The following DST variants were observed in gnomAD, a reference collection of about 807,000 sequenced individuals.
DST encodes the protein bullous pemphigoid antigen.
A neutral mutation model predicts 875.2 loss-of-function variants in DST; 253 were observed. The observed-to-expected ratio is 0.29, with a 90% CI of 0.26 to 0.32. The LOEUF is 0.32. Among genes scored for constraint, DST ranks in the 10% least tolerant of loss-of-function variants. The pLI, the probability that DST is intolerant of heterozygous loss-of-function variation, is 1.00. For missense variants in DST, 8,287 were observed against 9,111.6 expected (o/e 0.91, Z 3.68); for synonymous variants, 3,124 against 3,197.1 (o/e 0.98, Z 0.77).
chr6:56,463,886 T>G (rs2094454973), intron 100 of DST, 122 bp from the exon 101 acceptor site: 3 of 1,050,172 alleles, frequency 2.9e-6, no homozygotes, highest in Non-Finnish European at 4.4e-6. Context: ...CAAGAACATC[T>G]TTTTGCCATG....
chr6:56,662,061 T>G (rs2099046073), intron 10 of DST, among the ~76,000 whole-genome samples: 1 of 151,802 alleles, frequency 6.6e-6, no homozygotes. Context: ...TGAAAAGAAA[T>G]AATTTTATGA....
At chr6:56,849,052 T>A (rs146578080) in intron 4 of DST, among the ~76,000 whole-genome samples, 245 of 151,874 alleles carry the variant, frequency 1.6e-3, no homozygotes, top group African/African-American at 4.9e-3. Flanking sequence ...ATAAATAAAT[T>A]AATTAAATTA....
At chr6:56,704,481 G>A in intron 5 of DST, 112 bp from the exon 6 acceptor site, 1 of 538,210 alleles carries the variant, frequency 1.9e-6, no homozygotes, top group South Asian at 2.8e-5. Context: ...ATTCATTCAT[G>A]CACCTATTTT....
chr6:56,515,640 T>C lies in DST; in HGVS notation c.18386A>G (p.Tyr6129Cys), dbSNP rs918818637. ...KKKLDKVLKN[Y>C]DTICQINSER... is the part of the protein sequence containing the mutation. The stretch of plus-strand genomic sequence containing the variant: ...TGAATTAATCTGGCAGATGGTATCA[T>C]AGTTCTTCAGTACCTTGTCCAGTTT... Residue 6129 changes from tyrosine to cysteine, a missense_variant, in exon 72 of 104, where the codon TAT becomes TGT. Tyr to Cys is a radical substitution (Grantham distance 194). Coordinates refer to ENST00000680361, the MANE Select transcript of DST (RefSeq NM_001374736.1). The C allele has an allele frequency of 1.9e-6, 3 of 1,611,152 alleles. No homozygotes were observed. The highest frequency in any genetic ancestry group is 1.3e-5 in the African/African-American group (1 of 74,906).
intron 2 of DST, among the ~76,000 whole-genome samples, chr6:56,922,756 TTTC>T (rs1329490395): frequency 6.6e-6 from 1 of 152,208 alleles, no homozygotes; most frequent in African/African-American, 2.4e-5. Context: ...TAATGAGTAG[TTTC>T]TTCTTTATTG....
chr6:56,706,029 G>A (rs959167266), intron 5 of DST, among the ~76,000 whole-genome samples: 2 of 152,140 alleles, frequency 1.3e-5, no homozygotes, highest in Non-Finnish European at 1.5e-5. Flanking sequence ...CTGTAAATAC[G>A]CCATGCTCAG....
chr6:56,873,151 A>C (rs1778143405), intron 3 of DST, among the ~76,000 whole-genome samples: 1 of 152,310 alleles, frequency 6.6e-6, no homozygotes, highest in South Asian at 2.1e-4. Context: ...TCTTTAGGGA[A>C]ATATCTATTT....
intron 57 of DST, 53 bp from the exon 58 acceptor site, chr6:56,560,476 C>T (rs1290886765): frequency 1.9e-5 from 29 of 1,507,172 alleles, no homozygotes; most frequent in South Asian, 2.5e-5. Flanking sequence ...GACAAAAATA[C>T]AATAATGATA....
At chr6:56,763,805 T>G (rs1035760921) in intron 4 of DST, among the ~76,000 whole-genome samples, 4 of 150,684 alleles carry the variant, frequency 2.7e-5, no homozygotes, top group Non-Finnish European at 5.9e-5. Flanking sequence ...GGAATGCTGG[T>G]CCAATCCCAC....
chr6:56,533,838 C>T (rs563895750), intron 63 of DST, among the ~76,000 whole-genome samples: 70 of 152,042 alleles, frequency 4.6e-4, no homozygotes, highest in African/African-American at 1.7e-3. Flanking sequence ...TTTTCAAAAA[C>T]TTCTAGGGAG....
intron 4 of DST, among the ~76,000 whole-genome samples, chr6:56,776,078 G>T (rs1199089981): frequency 6.6e-6 from 1 of 152,132 alleles, no homozygotes; most frequent in African/African-American, 2.4e-5. Context: ...AAGTCATGTG[G>T]GTAGCACCTA....
In DST at chr6:56,553,332, C is replaced by T. The variant is rs776223564; in HGVS notation, c.15460G>A (p.Val5154Met). The T allele has an allele frequency of 3.1e-6, 5 of 1,612,144 alleles. No individual in the cohort carries two copies. Among genetic ancestry groups the T allele is most frequent in the African/African-American group, 1.3e-5 (1 of 74,642 alleles). ...KTNWDTFNKQVKERENKLKES... is the reference protein window; with the variant it reads ...KTNWDTFNKQMKERENKLKES... ...TTTAACTTGTTTTCTCTTTCTTTCA[C>T]CTGCTTATTAAATGTATCCCAATTG... The change falls in exon 61 of 104, where the codon GTG becomes ATG. Residue 5154 changes from valine to methionine, a missense_variant. Physicochemically the swap from Val to Met is conservative, Grantham distance 21. Coordinates refer to ENST00000680361, the MANE Select transcript of DST (RefSeq NM_001374736.1).
intron 10 of DST, among the ~76,000 whole-genome samples, chr6:56,655,520 G>A (rs2099002887): frequency 6.6e-6 from 1 of 152,178 alleles, no homozygotes; most frequent in Admixed American, 6.5e-5. Flanking sequence ...TGCTGGTTGT[G>A]CTGGCTTTCA....
intron 4 of DST, among the ~76,000 whole-genome samples, chr6:56,819,548 G>C (rs1425436172): frequency 6.6e-6 from 1 of 152,110 alleles, no homozygotes; most frequent in Admixed American, 6.5e-5. Flanking sequence ...TTTGAACTTA[G>C]GGAGTTTTAA....
chr6:56,889,681 TTTGA>T (rs1786367375), intron 3 of DST, among the ~76,000 whole-genome samples: 1 of 152,150 alleles, frequency 6.6e-6, no homozygotes, highest in Admixed American at 6.5e-5. Flanking sequence ...AGTCAGTATG[TTTGA>T]TTATTTCCTG....
intron 54 of DST, 107 bp from the exon 55 acceptor site, chr6:56,568,702 G>C (rs1159411630): frequency 2.0e-6 from 2 of 991,456 alleles, no homozygotes; most frequent in Admixed American, 3.2e-5. Context: ...TGTAGACCCT[G>C]ATTTGTGAGG....
At chr6:56,466,319 T>C in intron 98 of DST, 124 bp from the exon 99 acceptor site, 1 of 551,578 alleles carries the variant, frequency 1.8e-6, no homozygotes, top group Non-Finnish European at 3.0e-6. Context: ...TAGCGATTAG[T>C]AAAATCTCAG....
chr6:56,673,655 C>A (rs1251700283), intron 9 of DST, among the ~76,000 whole-genome samples: 4 of 152,194 alleles, frequency 2.6e-5, no homozygotes, highest in Non-Finnish European at 5.9e-5. Context: ...AGATGAATTT[C>A]AGATTGTTAC....
intron 4 of DST, among the ~76,000 whole-genome samples, chr6:56,735,855 A>T (rs540480312): frequency 4.5e-4 from 68 of 151,768 alleles, no homozygotes; most frequent in Non-Finnish European, 8.8e-4. Flanking sequence ...GTAGTAATTT[A>T]TTATTATTAT....
Sources: gnomAD v4.1 joint callset for allele counts (sites outside exome capture counted in the v4.1 genomes callset) on GRCh38, gnomAD v4.1.1 for gene constraint, MANE v1.5 for transcripts, NCBI Gene and HGNC (gene_info 2026-07-23, HGNC 2026-07-21) for gene names.